CBFA2T2: variants seen among roughly 807,000 people sequenced by gnomAD.
CBFA2T2 encodes CBFA2/RUNX1 partner transcriptional co-repressor 2.
Under a neutral mutation model 62.2 loss-of-function variants are expected in CBFA2T2, and 11 were observed. That is an observed-to-expected ratio of 0.18 (90% CI 0.11 to 0.29). The LOEUF is 0.29. Ranked by LOEUF, CBFA2T2 falls within the 10% of genes least tolerant of loss-of-function variation. CBFA2T2 has a pLI of 1.00. For missense variants in CBFA2T2, 592 were observed against 774.1 expected, an observed-to-expected ratio of 0.76 and a Z score of 2.79; for synonymous variants, 295 against 287.5, an observed-to-expected ratio of 1.03 and a Z score of -0.27.
chr20:33,619,594 T>A lies in CBFA2T2; in HGVS notation c.498T>A (p.Ile166=). 1 of 1,599,456 alleles carries A rather than the reference T, an allele frequency of 6.3e-7. No homozygotes were observed. Among genetic ancestry groups the A allele is most frequent in the Non-Finnish European group, 8.5e-7 (1 of 1,170,698 alleles). Residue 166 remains isoleucine (I), a synonymous_variant, in exon 4 of 11, where the codon ATT becomes ATA. Transcript: ENST00000342704. ...ACTTTCCCCTTCGTCCTTTTGTGAT[T>A]CCATTTCTCAAGGTAATTTGATAAT... is the stretch of plus-strand genomic sequence containing the variant. ...ATNFPLRPFV[I]PFLKANLPLL...
chr20:33,605,473 T>A (rs1263161652), intron 1 of CBFA2T2, among the ~76,000 whole-genome samples: 1 of 152,208 alleles, frequency 6.6e-6, no homozygotes, highest in Non-Finnish European at 1.5e-5. Flanking sequence ...AAGTTCTCTT[T>A]GATAGGGAAA....
intron 1 of CBFA2T2, among the ~76,000 whole-genome samples, chr20:33,545,962 C>T (rs1600953109): frequency 1.3e-5 from 2 of 152,168 alleles, no homozygotes; most frequent in South Asian, 4.2e-4. Flanking sequence ...CTGTCATGTG[C>T]CAGTTTAAAT....
intron 1 of CBFA2T2, among the ~76,000 whole-genome samples, chr20:33,502,760 C>T (rs1336158608): frequency 6.7e-6 from 1 of 150,156 alleles, no homozygotes; most frequent in Admixed American, 6.6e-5. Flanking sequence ...AACTGTTTCT[C>T]TCCTAATTCC....
At chr20:33,585,751 T>C (rs2014335913) in intron 1 of CBFA2T2, among the ~76,000 whole-genome samples, 2 of 152,218 alleles carry the variant, frequency 1.3e-5, no homozygotes, top group African/African-American at 2.4e-5. Context: ...CTGGAACTAA[T>C]GGAAGCGAAC....
At chr20:33,510,304 G>A (rs541046115) in intron 1 of CBFA2T2, among the ~76,000 whole-genome samples, 16 of 150,708 alleles carry the variant, frequency 1.1e-4, no homozygotes, top group Non-Finnish European at 1.5e-4. Flanking sequence ...TCCACCTCCC[G>A]GGTTCATGCC....
chr20:33,538,888 T>G (rs2012336261), intron 1 of CBFA2T2, among the ~76,000 whole-genome samples: 1 of 152,094 alleles, frequency 6.6e-6, no homozygotes, highest in Admixed American at 6.6e-5. Flanking sequence ...CTGTGAGGTA[T>G]TCTCTCAGTC....
chr20:33,597,684 C>T (rs944210871), intron 1 of CBFA2T2, among the ~76,000 whole-genome samples: 9 of 152,166 alleles, frequency 5.9e-5, no homozygotes, highest in African/African-American at 2.2e-4. Flanking sequence ...ACCCCACCCC[C>T]AGTTAGTGGA....
intron 1 of CBFA2T2, among the ~76,000 whole-genome samples, chr20:33,504,799 G>C (rs8118560): frequency 0.023 from 3,443 of 152,160 alleles, 125 homozygotes; most frequent in African/African-American, 0.078. Flanking sequence ...AGTTTCACTT[G>C]CTTGTTGGTA....
At position 33,515,820 on chromosome 20, in the gene CBFA2T2, A is replaced by AAAAAAAAT. The variant is rs1362939809; in HGVS notation, c.34+25520_34+25521insAAAAAATA. On this transcript the variant is annotated intron_variant, in intron 1 of 10. Coordinates refer to ENST00000342704, the MANE Select transcript of CBFA2T2 (RefSeq NM_001032999.3). Reference sequence around the variant, plus strand: ...CCATCTCAAAAAAAAAAAAAAAAAAAACGGGGCGGGGGGAATATCTTATAA... The same window carrying AAAAAAAAT: ...CCATCTCAAAAAAAAAAAAAAAAAAAAAAAAAATACGGGGCGGGGGGAATATCTTATAA... Among the ~76,000 whole-genome samples, 2 of 149,120 alleles carry AAAAAAAAT rather than the reference A, an allele frequency of 1.3e-5. 1 individual carries two copies. Among genetic ancestry groups the AAAAAAAAT allele is most frequent in the Non-Finnish European group, 3.0e-5 (2 of 66,840 alleles).
At chr20:33,611,020 C>T (rs1222449509) in intron 2 of CBFA2T2, 74 bp from the exon 3 acceptor site, 6 of 1,576,658 alleles carry the variant, frequency 3.8e-6, no homozygotes, top group Middle Eastern at 3.4e-4. Context: ...AACGAAAATA[C>T]AAACAAGAAA....
chr20:33,612,735 A>G (rs188052566), intron 3 of CBFA2T2, among the ~76,000 whole-genome samples: 1 of 152,252 alleles, frequency 6.6e-6, no homozygotes, highest in Non-Finnish European at 1.5e-5. Context: ...ATGTCAATAA[A>G]TGTAATCCAT....
rs573064304 is a variant in CBFA2T2, at chr20:33,574,388, G to A, written c.35-32568G>A. ...CGCCTGTAATCCCAGCACTTTGGGA[G>A]GCCAAGGCGGGTGGATCACCTGAGG... On this transcript the variant is annotated intron_variant, in intron 1 of 10. Transcript: ENST00000342704. The A allele has an allele frequency of 1.9e-5, 14 of 735,430 alleles. No individual in the cohort carries two copies. In the African/African-American group the frequency reaches 2.4e-4, roughly 12 times the overall value. 45.6% of individuals were successfully genotyped at this position (735,430 alleles called of 1,614,324 possible).
intron 1 of CBFA2T2, among the ~76,000 whole-genome samples, chr20:33,523,341 G>A (rs1221088727): frequency 2.0e-5 from 3 of 149,962 alleles, no homozygotes; most frequent in African/African-American, 7.4e-5. Context: ...GTGCAGTGGT[G>A]CAATCTTGGC....
At chr20:33,587,315 G>A (rs2014413828) in intron 1 of CBFA2T2, among the ~76,000 whole-genome samples, 1 of 151,986 alleles carries the variant, frequency 6.6e-6, no homozygotes, top group Non-Finnish European at 1.5e-5. Flanking sequence ...TCGCCAGGCT[G>A]GAGTGCAGTG....
At chr20:33,587,970 T>A (rs909949764) in intron 1 of CBFA2T2, among the ~76,000 whole-genome samples, 3 of 152,214 alleles carry the variant, frequency 2.0e-5, no homozygotes, top group African/African-American at 7.2e-5. Flanking sequence ...GAATTTAGAA[T>A]GAATCATTGA....
At chr20:33,514,582 C>G (rs78896063) in intron 1 of CBFA2T2, among the ~76,000 whole-genome samples, 1 of 151,878 alleles carries the variant, frequency 6.6e-6, no homozygotes, top group Non-Finnish European at 1.5e-5. Context: ...GAGCACACAG[C>G]GCATTTGGGG....
At chr20:33,592,631 T>TC (rs1286516216) in intron 1 of CBFA2T2, among the ~76,000 whole-genome samples, 1 of 151,830 alleles carries the variant, frequency 6.6e-6, no homozygotes, top group Non-Finnish European at 1.5e-5. Context: ...AGGCTGAGGA[T>TC]CACTTGAGCC....
At chr20:33,528,612 A>G (rs1600932437) in intron 1 of CBFA2T2, among the ~76,000 whole-genome samples, 2 of 152,186 alleles carry the variant, frequency 1.3e-5, no homozygotes, top group South Asian at 4.1e-4. Flanking sequence ...TATGACTTAC[A>G]TGCCCTTTTA....
chr20:33,533,964 C>G (rs2012132986), intron 1 of CBFA2T2, among the ~76,000 whole-genome samples: 1 of 152,068 alleles, frequency 6.6e-6, no homozygotes, highest in Admixed American at 6.5e-5. Flanking sequence ...GCTCTCCAGC[C>G]TGGGTGACAG....
Sources: gnomAD v4.1 joint callset for allele counts (sites outside exome capture counted in the v4.1 genomes callset) on GRCh38, gnomAD v4.1.1 for gene constraint, MANE v1.5 for transcripts, NCBI Gene and HGNC (gene_info 2026-07-23, HGNC 2026-07-21) for gene names.